Variants in HNRNPD observed in about 807,000 individuals in gnomAD.
HNRNPD encodes the protein heterogeneous nuclear ribonucleoprotein D.
HNRNPD carries 3 observed loss-of-function variants against 47.9 expected under a neutral mutation model. That is an observed-to-expected ratio of 0.06 (90% confidence interval 0.03 to 0.16). HNRNPD has a LOEUF of 0.16. Among genes scored for constraint, HNRNPD ranks in the 10% least tolerant of loss-of-function variants. HNRNPD has a pLI of 1.00. For synonymous variants in HNRNPD, 171 were observed against 165.1 expected (o/e 1.04, Z -0.28); for missense variants, 287 against 454.2 (o/e 0.63, Z 3.35).
chr4:82,360,947 T>C (rs771634052), intron 2 of HNRNPD, among the ~76,000 whole-genome samples: 1 of 152,216 alleles, frequency 6.6e-6, no homozygotes, highest in Non-Finnish European at 1.5e-5. Flanking sequence ...AGGTATATAC[T>C]GCGCTTCCCA....
intron 8 of HNRNPD, 127 bp from the exon 9 acceptor site, chr4:82,354,281 A>T (rs1367764531): frequency 6.6e-6 from 1 of 152,244 alleles, no homozygotes; most frequent in South Asian, 2.1e-4. Flanking sequence ...TAAATGTGTG[A>T]TATGTTTTAT....
At chr4:82,372,450 G>A (rs1245966764) in intron 1 of HNRNPD, among the ~76,000 whole-genome samples, 3 of 152,126 alleles carry the variant, frequency 2.0e-5, no homozygotes, top group African/African-American at 7.2e-5. Context: ...CTCTTAAGAG[G>A]ACTACAGGCC....
At chr4:82,357,229 C>T in intron 5 of HNRNPD, 84 bp downstream of exon 5, 1 of 1,428,532 alleles carries the variant, frequency 7.0e-7, no homozygotes, top group Non-Finnish European at 9.4e-7. Flanking sequence ...ATGCAAAGAA[C>T]TTAAGCCTTT....
chr4:82,367,147 C>G (rs1243782609), intron 2 of HNRNPD, among the ~76,000 whole-genome samples: 3 of 151,634 alleles, frequency 2.0e-5, no homozygotes, highest in Non-Finnish European at 4.4e-5. Flanking sequence ...TGATTACAGG[C>G]ACGAGCCACT....
intron 2 of HNRNPD, among the ~76,000 whole-genome samples, chr4:82,363,041 T>TGC (rs1719558475): frequency 1.3e-5 from 2 of 149,152 alleles, no homozygotes; most frequent in African/African-American, 5.1e-5. Context: ...TATGTGTGTG[T>TGC]GTGTGTGTAT....
chr4:82,372,411 T>C (rs1393131335), intron 1 of HNRNPD, among the ~76,000 whole-genome samples: 1 of 152,028 alleles, frequency 6.6e-6, no homozygotes, highest in East Asian at 1.9e-4. Flanking sequence ...AAAAAAAAAG[T>C]ATCCCATAGC....
In HNRNPD at chr4:82,373,496, G is replaced by T; in HGVS notation, c.183C>A (p.Ala61=). ...CGTCAATCTTCGCCCCCTCCGACTC[G>T]GCGCTGCCCCCTTCGGTGCCTCCAG... ...TASGGTEGGS[A]ESEGAKIDAS... is the part of the protein sequence containing the mutation. Residue 61 remains alanine (A), a synonymous_variant, in exon 1 of 9, where the codon GCC becomes GCA. Transcript: ENST00000313899. 6.5e-7 allele frequency: 1 copy of T among 1,550,190 alleles called. No individual in the cohort carries two copies. Among genetic ancestry groups the T allele is most frequent in the Non-Finnish European group, 8.7e-7 (1 of 1,146,594 alleles).
intron 2 of HNRNPD, among the ~76,000 whole-genome samples, chr4:82,366,598 GCT>G (rs1187265386): frequency 6.6e-6 from 1 of 151,744 alleles, no homozygotes; most frequent in Non-Finnish European, 1.5e-5. Flanking sequence ...ACGGAGTCTT[GCT>G]CTGTTGCCCA....
At chr4:82,368,858 A>G (rs550281091) in intron 2 of HNRNPD, among the ~76,000 whole-genome samples, 1 of 152,374 alleles carries the variant, frequency 6.6e-6, no homozygotes, top group South Asian at 2.1e-4. Context: ...CTAGTCTTTT[A>G]TAATCAGACA....
intron 1 of HNRNPD, among the ~76,000 whole-genome samples, chr4:82,372,026 C>T (rs182080007): frequency 1.3e-4 from 20 of 152,208 alleles, no homozygotes; most frequent in African/African-American, 4.6e-4. Flanking sequence ...GTGCTTCTCC[C>T]CTCCCAACTT....
At chr4:82,361,449 C>T (rs72905884) in intron 2 of HNRNPD, among the ~76,000 whole-genome samples, 8,990 of 152,138 alleles carry the variant, frequency 0.059, 332 homozygotes, top group African/African-American at 0.096. Flanking sequence ...ATTAAATTAC[C>T]CTTTCCATGA....
intron 2 of HNRNPD, among the ~76,000 whole-genome samples, chr4:82,364,733 T>A (rs1252053308): frequency 6.6e-6 from 1 of 152,208 alleles, no homozygotes; most frequent in Non-Finnish European, 1.5e-5. Context: ...ATCACCTTGA[T>A]GACTTGGTCT....
chr4:82,355,812 G>A (rs2109988398), intron 7 of HNRNPD: 1 of 180,090 alleles, frequency 5.6e-6, no homozygotes, highest in East Asian at 1.6e-4. Context: ...CATCTTTGCT[G>A]ACCTTCTTCT....
Position 82,373,876 on chromosome 4 carries a change from C to T in HNRNPD, c.-198G>A. 8.0e-7 allele frequency: 1 copy of T among 1,249,290 alleles called. No individual in the cohort carries two copies. 77.4% of individuals were successfully genotyped at this position (1,249,290 alleles called of 1,614,324 possible). Reference sequence around the variant, plus strand: ...GCCCCCTTCGCCTCCCACTCTCGCGCGGCGCACACTCCCGCTCTCTCCCGC... The same window carrying T: ...GCCCCCTTCGCCTCCCACTCTCGCGTGGCGCACACTCCCGCTCTCTCCCGC... On this transcript the variant is annotated 5_prime_UTR_variant, in exon 1 of 9. Transcript: ENST00000313899.
In HNRNPD at chr4:82,370,490, T is replaced by A. The variant is rs571525431; in HGVS notation, c.290+1038A>T. 2.0e-5 allele frequency among the ~76,000 whole-genome samples: 3 copies of A among 152,206 alleles called. No homozygotes were observed. The East Asian group carries it at 5.8e-4, about 29-fold the overall frequency. ...CTGCTAGTGCCCACCACTCACCAAA[T>A]ACAGGGAATAACATTCATCGAAACT... On this transcript the variant is annotated intron_variant, in intron 2 of 8. Transcript: ENST00000313899.
At chr4:82,360,027 G>C (rs1055196268) in intron 2 of HNRNPD, among the ~76,000 whole-genome samples, 2 of 152,080 alleles carry the variant, frequency 1.3e-5, no homozygotes, top group Non-Finnish European at 2.9e-5. Context: ...GTTCCCCACT[G>C]ATCTCAGCAA....
chr4:82,370,327 T>C (rs1278216398), intron 2 of HNRNPD, among the ~76,000 whole-genome samples: 1 of 152,204 alleles, frequency 6.6e-6, no homozygotes, highest in African/African-American at 2.4e-5. Flanking sequence ...GTCAAAACAC[T>C]GACCTTCAAA....
intron 2 of HNRNPD, among the ~76,000 whole-genome samples, chr4:82,365,442 C>A (rs1261978192): frequency 6.6e-6 from 1 of 151,938 alleles, no homozygotes. Context: ...AGCTAAGTCA[C>A]TAGTTACCTA....
In HNRNPD at chr4:82,357,423, T is replaced by C. The variant is rs1439248955; in HGVS notation, c.643A>G (p.Met215Val). The change falls in exon 5 of 9, where the codon ATG becomes GTG. Residue 215 changes from methionine (M) to valine (V), a missense_variant. By Grantham distance (21) the Met-to-Val change is conservative. Coordinates refer to ENST00000313899, the MANE Select transcript of HNRNPD (RefSeq NM_031370.3). ...FGEVESIELP[M>V]DNKTNKRRGF... is the part of the protein sequence containing the mutation. ...CGCCTCTTATTGGTCTTGTTGTCCATGGGGAGCTCTATGGATTCCACCTGG... is the reference window on the plus strand; with the variant it reads ...CGCCTCTTATTGGTCTTGTTGTCCACGGGGAGCTCTATGGATTCCACCTGG... 4 of 1,611,400 alleles carry C rather than the reference T, an allele frequency of 2.5e-6. No individual in the cohort carries two copies. The highest frequency in any genetic ancestry group is 1.3e-5 in the African/African-American group (1 of 74,774).
Sources: allele counts gnomAD v4.1 joint callset (sites outside exome capture counted in the v4.1 genomes callset), GRCh38; gene constraint gnomAD v4.1.1; transcripts MANE v1.5; gene names NCBI Gene and HGNC (gene_info 2026-07-23, HGNC 2026-07-21).